Variants in SH3RF2 observed in about 807,000 individuals in gnomAD.
The protein encoded by SH3RF2 is E3 ubiquitin-protein ligase SH3RF2.
SH3RF2 carries 43 observed loss-of-function variants against 59.0 expected under a neutral mutation model. The ratio of observed to expected loss-of-function variants is 0.73; its 90% CI spans 0.57 to 0.94. The LOEUF is 0.94. SH3RF2 is among the 40% of genes least tolerant of loss of function. The pLI, the probability that SH3RF2 is intolerant of heterozygous loss-of-function variation, is 0.00. For missense variants in SH3RF2, 930 were observed against 940.1 expected (o/e 0.99, Z 0.14); for synonymous variants, 391 against 391.5 (o/e 1.00, Z 0.01).
intron 2 of SH3RF2, among the ~76,000 whole-genome samples, chr5:145,972,326 T>G (rs1195119948): frequency 6.6e-6 from 1 of 152,196 alleles, no homozygotes; most frequent in Non-Finnish European, 1.5e-5. Flanking sequence ...CCCATCAGAA[T>G]AGCAAAGGCT....
intron 7 of SH3RF2, among the ~76,000 whole-genome samples, chr5:146,054,790 G>T (rs1762613833): frequency 6.6e-6 from 1 of 152,242 alleles, no homozygotes; most frequent in Non-Finnish European, 1.5e-5. Context: ...GAGGAGAAAT[G>T]AGGGTAAATG....
chr5:145,946,121 C>T (rs541496227), intron 2 of SH3RF2, among the ~76,000 whole-genome samples: 1 of 152,352 alleles, frequency 6.6e-6, no homozygotes, highest in African/African-American at 2.4e-5. Flanking sequence ...CCCAGGGTCA[C>T]ACTGCCCCAG....
rs1026680265 is a variant in SH3RF2, at chr5:146,049,120, G to A, written c.1197G>A (p.Leu399=). 1.2e-6 allele frequency: 2 copies of A among 1,614,032 alleles called. No homozygotes were observed. The highest frequency in any genetic ancestry group is 8.5e-7 in the Non-Finnish European group (1 of 1,180,040). The part of the protein sequence containing the change: ...HSYSAHGPDE[L]DLQKGEGVRV... The stretch of plus-strand genomic sequence containing the variant: ...ACTCAGCCCATGGACCCGATGAGCT[G>A]GACCTGCAAAAGGGAGAAGGCGTCA... Residue 399 remains leucine, a synonymous_variant, in exon 7 of 10, where the codon CTG becomes CTA. Transcript: ENST00000359120.
downstream of SH3RF2, among the ~76,000 whole-genome samples, chr5:146,064,814 AAG>A (rs1763051574): frequency 9.7e-4 from 10 of 10,332 alleles, no homozygotes; most frequent in Admixed American, 3.9e-3. Flanking sequence ...GAAGGAAAGA[AAG>A]AAAGAAAGAA....
At chr5:145,960,088 T>G (rs1758575009) in intron 2 of SH3RF2, among the ~76,000 whole-genome samples, 1 of 152,214 alleles carries the variant, frequency 6.6e-6, no homozygotes, top group East Asian at 1.9e-4. Context: ...AGGGTCTCAT[T>G]CTGTCACCCA....
intron 2 of SH3RF2, among the ~76,000 whole-genome samples, chr5:145,947,541 T>C (rs1447130411): frequency 6.6e-6 from 1 of 152,198 alleles, no homozygotes; most frequent in East Asian, 1.9e-4. Context: ...CTCCTCCAGG[T>C]AGGTTTCTCT....
downstream of SH3RF2, among the ~76,000 whole-genome samples, chr5:146,064,589 GAGAGAGA>G (rs781126676): frequency 0.01 from 628 of 61,072 alleles, 82 homozygotes; most frequent in African/African-American, 0.044. Context: ...GGAAGGGGGA[GAGAGAGA>G]GAGAGAGAGA....
intron 8 of SH3RF2, among the ~76,000 whole-genome samples, chr5:146,058,802 G>A (rs750256065): frequency 6.6e-6 from 1 of 151,796 alleles, no homozygotes; most frequent in Non-Finnish European, 1.5e-5. Context: ...CAATGGATGG[G>A]GATCTCCTGC....
chr5:146,069,982 GAA>G (rs11430700), intron 9 of SH3RF2, among the ~76,000 whole-genome samples: 40,337 of 143,204 alleles, frequency 0.28, 6,922 homozygotes, highest in Non-Finnish European at 0.38. Context: ...AATGGAAACT[GAA>G]AAAAAAAAAA....
At chr5:146,041,427 G>C (rs1762122542) in intron 5 of SH3RF2, among the ~76,000 whole-genome samples, 1 of 152,208 alleles carries the variant, frequency 6.6e-6, no homozygotes, top group Non-Finnish European at 1.5e-5. Flanking sequence ...ACGGAGCCCT[G>C]CGTGTCCTGC....
intron 5 of SH3RF2, among the ~76,000 whole-genome samples, chr5:146,028,748 G>A (rs1256180074): frequency 4.6e-5 from 7 of 152,192 alleles, no homozygotes. Flanking sequence ...GTTAAGTCAA[G>A]GGCTGTGTGA....
Position 146,060,073 on chromosome 5 carries a change from G to T in SH3RF2, c.1763G>T (p.Gly588Val). ...CCCGCCCTCACGTGCATCAGCAGGGGCAGTGAGGCCTGGATCCACTCCGCG... is the reference window on the plus strand; with the variant it reads ...CCCGCCCTCACGTGCATCAGCAGGGTCAGTGAGGCCTGGATCCACTCCGCG... ...GEPALTCISR[G>V]SEAWIHSAAS... Residue 588 changes from glycine to valine, a missense_variant, in exon 9 of 10, where the codon GGC becomes GTC. By Grantham distance (109) the Gly-to-Val change is moderately radical. Coordinates refer to ENST00000359120, the MANE Select transcript of SH3RF2 (RefSeq NM_152550.4). The T allele has an allele frequency of 2.5e-6, 4 of 1,613,910 alleles. No homozygotes were observed. The highest frequency in any genetic ancestry group is 1.3e-5 in the African/African-American group (1 of 75,034).
rs545708553 is a variant in SH3RF2 at position 145,974,507 on chromosome 5, G to A, written c.379-25551G>A. Among the ~76,000 whole-genome samples the A allele has an allele frequency of 1.3e-3, 194 of 152,230 alleles. 3 individuals carry two copies. Among genetic ancestry groups the A allele is most frequent in the African/African-American group, 4.0e-3 (165 of 41,530 alleles). On this transcript the variant is annotated intron_variant, in intron 2 of 9. Transcript: ENST00000359120. ...GAAAAGAAAAATGGAGGAGAAGAAT[G>A]TATCTATGTATATATAGCATTTATT...
At chr5:146,029,563 T>C (rs1761668982) in intron 5 of SH3RF2, among the ~76,000 whole-genome samples, 1 of 152,176 alleles carries the variant, frequency 6.6e-6, no homozygotes, top group Non-Finnish European at 1.5e-5. Flanking sequence ...CATGCTGGGC[T>C]CGGGGTACAT....
chr5:146,070,930 T>C (rs1330038647), intron 9 of SH3RF2, among the ~76,000 whole-genome samples: 1 of 152,208 alleles, frequency 6.6e-6, no homozygotes, highest in Non-Finnish European at 1.5e-5. Flanking sequence ...TTGTGCACTA[T>C]GTGCATTTTG....
chr5:145,994,580 C>T (rs955873286), intron 2 of SH3RF2, among the ~76,000 whole-genome samples: 3 of 152,110 alleles, frequency 2.0e-5, no homozygotes, highest in African/African-American at 7.2e-5. Context: ...GAAACAAAAG[C>T]GGAAACCCTT....
chr5:145,946,289 G>A (rs1190913326), intron 2 of SH3RF2, among the ~76,000 whole-genome samples: 1 of 152,096 alleles, frequency 6.6e-6, no homozygotes, highest in Non-Finnish European at 1.5e-5. Context: ...TCATTTCTTC[G>A]ATCTTTTTTC....
chr5:145,961,556 TA>T (rs773906653), intron 2 of SH3RF2, among the ~76,000 whole-genome samples: 48 of 152,176 alleles, frequency 3.2e-4, no homozygotes, highest in Admixed American at 1.3e-3. Context: ...GAATAGTTGT[TA>T]AAAGGATTGA....
intron 2 of SH3RF2, among the ~76,000 whole-genome samples, chr5:145,967,828 T>C (rs1758916724): frequency 6.6e-6 from 1 of 151,914 alleles, no homozygotes; most frequent in African/African-American, 2.4e-5. Flanking sequence ...CCCGGCGAAG[T>C]TTTATATTTT....
Sources: gnomAD v4.1 joint callset for allele counts (sites outside exome capture counted in the v4.1 genomes callset) on GRCh38, gnomAD v4.1.1 for gene constraint, MANE v1.5 for transcripts, NCBI Gene and HGNC (gene_info 2026-07-23, HGNC 2026-07-21) for gene names.